The following RABL2B variants were observed in gnomAD, a reference collection of about 807,000 sequenced individuals.
RABL2B encodes the protein RAB, member of RAS oncogene family like 2B.
A neutral mutation model predicts 26.7 loss-of-function variants in RABL2B; 17 were observed. The ratio of observed to expected loss-of-function variants is 0.64; its 90% CI spans 0.44 to 0.95. RABL2B has a LOEUF of 0.95. Among genes scored for constraint, RABL2B ranks in the 40% least tolerant of loss-of-function variants. The pLI is 0.00. For synonymous variants in RABL2B, 70 were observed against 103.9 expected (o/e 0.67, Z 1.99); for missense variants, 170 against 277.2 (o/e 0.61, Z 2.75).
intron 2 of RABL2B, among the ~76,000 whole-genome samples, chr22:50,781,145 C>A (rs1362587869): frequency 6.6e-6 from 1 of 152,000 alleles, no homozygotes; most frequent in Non-Finnish European, 1.5e-5. Context: ...TCAAGACCAT[C>A]CTGGCTAATA....
rs1555916802 is a variant in RABL2B at position 50,769,663 on chromosome 22, T to C, written c.410-111A>G. 2.6e-6 allele frequency: 4 copies of C among 1,555,340 alleles called. No homozygotes were observed. The South Asian group carries it at 3.5e-5, about 14-fold the overall frequency. On this transcript the variant is annotated intron_variant, in intron 6 of 8. Transcript: ENST00000691320. ...CAGAAAGTGGGATAGGCAGGGATGA[T>C]TGGGAAACAGGTCCTAGAAAGAGCT...
intron 5 of RABL2B, among the ~76,000 whole-genome samples, chr22:50,773,596 G>A (rs1222999389): frequency 1.3e-5 from 2 of 151,524 alleles, no homozygotes; most frequent in Admixed American, 6.6e-5. Flanking sequence ...CTGCACGGAG[G>A]TGGTGGCATT....
chr22:50,779,391 G>C (rs1206439863), intron 2 of RABL2B, among the ~76,000 whole-genome samples: 1 of 150,222 alleles, frequency 6.7e-6, no homozygotes, highest in African/African-American at 2.5e-5. Context: ...AAAATATTTA[G>C]AGTAGGCACT....
intron 2 of RABL2B, among the ~76,000 whole-genome samples, chr22:50,781,224 G>A (rs1164651364): frequency 6.6e-6 from 1 of 151,782 alleles, no homozygotes; most frequent in East Asian, 1.9e-4. Flanking sequence ...GGCGCCTGTA[G>A]TCCTAGCTAC....
intron 6 of RABL2B, 23 bp from the exon 7 acceptor site, chr22:50,769,575 T>C: frequency 6.2e-7 from 1 of 1,609,234 alleles, no homozygotes; most frequent in Non-Finnish European, 8.5e-7. Context: ...GGTAGGACAT[T>C]GGTCTGTCTG....
At chr22:50,777,831 C>T (rs1603450795) in intron 3 of RABL2B, 121 bp downstream of exon 3, 15 of 1,498,222 alleles carry the variant, frequency 1.0e-5, no homozygotes, top group Admixed American at 1.7e-5. Context: ...AAAACCTGTG[C>T]GTTCACTTAC....
chr22:50,772,476 T>A, intron 5 of RABL2B: 2 of 987,410 alleles, frequency 2.0e-6, no homozygotes, highest in Non-Finnish European at 2.4e-6. Context: ...TAGCCCAAAC[T>A]GCCCTAGTAC....
rs1219000062 is a variant in RABL2B, at chr22:50,783,538, C to G, written c.-91G>C. The G allele has an allele frequency of 6.6e-6, 1 of 152,262 alleles. No homozygotes were observed. The highest frequency in any genetic ancestry group is 1.5e-5 in the Non-Finnish European group (1 of 68,044). 9.4% of individuals were successfully genotyped at this position (152,262 alleles called of 1,614,324 possible). A position where few individuals can be genotyped will look rare whatever the true frequency, so the allele number is the denominator to read the frequency against. On this transcript the variant is annotated 5_prime_UTR_variant, in exon 1 of 9. Transcript: ENST00000691320. ...GTGAGGGCTGGAGAGACCAGGGACG[C>G]TGCGGGTCGGCCCCTCGGGCCCTGC... is the stretch of plus-strand genomic sequence containing the variant.
chr22:50,770,157 A>C, intron 5 of RABL2B, 141 bp from the exon 6 acceptor site: 1 of 1,386,342 alleles, frequency 7.2e-7, no homozygotes, highest in Non-Finnish European at 9.8e-7. Context: ...AGCCTCTCTG[A>C]CCGCAGAGGC....
chr22:50,768,548 A>C lies in RABL2B; in HGVS notation c.*228T>G. The stretch of plus-strand genomic sequence containing the variant: ...GAAGGTGTTAATGATGCTGATCCCT[A>C]CTTCTGCTTCAAGGAGATCTGGTGG... On this transcript the variant is annotated 3_prime_UTR_variant, in exon 9 of 9. Coordinates refer to ENST00000691320, the MANE Select transcript of RABL2B (RefSeq NM_001130919.3). 1 of 1,118,980 alleles carries C rather than the reference A, an allele frequency of 8.9e-7. No individual in the cohort carries two copies. Among genetic ancestry groups the C allele is most frequent in the Admixed American group, 2.9e-5 (1 of 34,006 alleles). 69.3% of individuals were successfully genotyped at this position (1,118,980 alleles called of 1,614,324 possible). A position where few individuals can be genotyped will look rare whatever the true frequency, so the allele number is the denominator to read the frequency against.
chr22:50,781,597 G>A (rs148808236), intron 2 of RABL2B, among the ~76,000 whole-genome samples: 3,172 of 152,184 alleles, frequency 0.021, 97 homozygotes, highest in African/African-American at 0.072. Flanking sequence ...CAAGTGTACC[G>A]TCATGCTATG....
Position 50,767,727 on chromosome 22 carries a change from C to T in RABL2B, c.*1049G>A. 1 of 455,046 alleles carries T rather than the reference C, an allele frequency of 2.2e-6. No homozygotes were observed. The highest frequency in any genetic ancestry group is 4.4e-6 in the Non-Finnish European group (1 of 226,350). 28.2% of individuals were successfully genotyped at this position (455,046 alleles called of 1,614,324 possible). The stretch of plus-strand genomic sequence containing the variant: ...ACTATTCCTCAAAAAAAAGGACAGC[C>T]TCTTTATGCTGAAATAGGAACTTTA... On this transcript the variant is annotated 3_prime_UTR_variant, in exon 9 of 9. Coordinates refer to ENST00000691320, the MANE Select transcript of RABL2B (RefSeq NM_001130919.3).
intron 5 of RABL2B, chr22:50,772,762 A>G (rs2084373673): frequency 9.2e-7 from 1 of 1,085,092 alleles, no homozygotes; most frequent in Non-Finnish European, 1.1e-6. Flanking sequence ...GTCTGTAACT[A>G]AACTTCTGGA....
intron 2 of RABL2B, 63 bp downstream of exon 2, chr22:50,782,125 G>A: frequency 3.3e-6 from 3 of 910,044 alleles, no homozygotes; most frequent in Non-Finnish European, 5.0e-6. Flanking sequence ...GCCTCTGGAG[G>A]ACTTTTTAAA....
intron 2 of RABL2B, among the ~76,000 whole-genome samples, chr22:50,781,931 GTCCTCAGTTGC>G: frequency 6.7e-6 from 1 of 148,838 alleles, no homozygotes; most frequent in South Asian, 2.2e-4. Context: ...CACATACAAT[GTCCTCAGTTGC>G]TCCACACGTT....
rs1268361397 is a variant in RABL2B, at chr22:50,769,896, T to C, written c.409+9A>G. ...AATTGCTAACACCCAGGTGCAGGGA[T>C]GGCCCCACCATCAATTTTATTGGCC... On this transcript the variant is annotated intron_variant, in intron 6 of 8. Transcript: ENST00000691320. 6.2e-7 allele frequency: 1 copy of C among 1,612,238 alleles called. No homozygotes were observed. The highest frequency in any genetic ancestry group is 8.5e-7 in the Non-Finnish European group (1 of 1,178,836).
rs1477937817 is a variant in RABL2B at position 50,767,604 on chromosome 22, A to G, written c.*1172T>C. On this transcript the variant is annotated 3_prime_UTR_variant, in exon 9 of 9. Transcript: ENST00000691320. ...CAATGCCCGAGATTATCATAAAAAC[A>G]TACTAGCAAGCCACAAGTACCAGAG... The G allele has an allele frequency of 2.9e-6, 1 of 343,974 alleles. No individual in the cohort carries two copies. Among genetic ancestry groups the G allele is most frequent in the Non-Finnish European group, 5.7e-6 (1 of 174,314 alleles). 21.3% of individuals were successfully genotyped at this position (343,974 alleles called of 1,614,324 possible).
intron 2 of RABL2B, among the ~76,000 whole-genome samples, chr22:50,780,397 CTTTTTT>C (rs149044797): frequency 4.1e-5 from 5 of 122,250 alleles, no homozygotes; most frequent in South Asian, 2.7e-4. Flanking sequence ...CAAGTGTTAA[CTTTTTT>C]TTTTTTTTTT....
Position 50,777,954 on chromosome 22 carries a change from G to A in RABL2B, c.135C>T (p.Gly45=), listed in dbSNP as rs139524958. 1 of 1,614,166 alleles carries A rather than the reference G, an allele frequency of 6.2e-7. No homozygotes were observed. The highest frequency in any genetic ancestry group is 2.2e-5 in the East Asian group (1 of 44,886). ...SKLMERFLMD[G]FQPQQLSTYA... is the part of the protein sequence containing the mutation. ...GTACTTCAAACCTTGAAGGATACAA[G>A]CCATCCATGAGAAATCTCTCCATGA... is the stretch of plus-strand genomic sequence containing the variant. The change falls in exon 3 of 9, where the codon GGC becomes GGT. Residue 45 remains glycine (G), a splice_region_variant and synonymous_variant. Transcript: ENST00000691320.
Sources: gnomAD v4.1 joint callset for allele counts (sites outside exome capture counted in the v4.1 genomes callset) on GRCh38, gnomAD v4.1.1 for gene constraint, MANE v1.5 for transcripts, NCBI Gene and HGNC (gene_info 2026-07-23, HGNC 2026-07-21) for gene names.